METTL15: variants seen among roughly 807,000 people sequenced by gnomAD.
METTL15 encodes the protein 12S rRNA N(4)-cytidine methyltransferase METTL15.
METTL15 carries 34 observed loss-of-function variants against 38.3 expected under a neutral mutation model. The ratio of observed to expected loss-of-function variants is 0.89; its 90% CI spans 0.68 to 1.18. METTL15 has a LOEUF of 1.18. METTL15 is among the 50% of genes most tolerant of loss of function. The pLI, the probability that METTL15 is intolerant of heterozygous loss-of-function variation, is 0.00. For missense variants in METTL15, 438 were observed against 498.4 expected, an observed-to-expected ratio of 0.88 and a Z score of 1.15; for synonymous variants, 162 against 170.9, an observed-to-expected ratio of 0.95 and a Z score of 0.41.
At chr11:28,326,803 A>G (rs978535696) in intron 6 of METTL15, among the ~76,000 whole-genome samples, 1 of 151,650 alleles carries the variant, frequency 6.6e-6, no homozygotes. Context: ...GTTTTTTTGT[A>G]GAGACAGGGT....
intron 3 of METTL15, among the ~76,000 whole-genome samples, chr11:28,208,324 A>G (rs185671454): frequency 0.03 from 4,518 of 151,952 alleles, 88 homozygotes; most frequent in Non-Finnish European, 0.045. Context: ...TGTTGTCGTT[A>G]GTTTCAAAGA....
intron 6 of METTL15, among the ~76,000 whole-genome samples, chr11:28,434,907 G>T (rs776771450): frequency 3.3e-5 from 5 of 152,204 alleles, no homozygotes; most frequent in African/African-American, 1.2e-4. Flanking sequence ...CATGGTAGTG[G>T]CAGGAATCAA....
intron 6 of METTL15, among the ~76,000 whole-genome samples, chr11:28,484,689 T>G (rs1851423733): frequency 1.3e-5 from 2 of 152,168 alleles, no homozygotes; most frequent in Non-Finnish European, 2.9e-5. Context: ...CTTGACAACC[T>G]TTATGCTGGC....
At chr11:28,221,848 G>T (rs902601834) in intron 4 of METTL15, among the ~76,000 whole-genome samples, 2 of 152,192 alleles carry the variant, frequency 1.3e-5, no homozygotes, top group African/African-American at 4.8e-5. Flanking sequence ...GGTATCAGCA[G>T]AGGTGGCTGT....
At chr11:28,470,216 T>A (rs1406538013) in intron 6 of METTL15, among the ~76,000 whole-genome samples, 1 of 152,176 alleles carries the variant, frequency 6.6e-6, no homozygotes, top group Non-Finnish European at 1.5e-5. Context: ...TTTTCCCCCT[T>A]GCTCAGTCCT....
chr11:28,204,717 C>G (rs1366878803), intron 3 of METTL15, among the ~76,000 whole-genome samples: 1 of 151,868 alleles, frequency 6.6e-6, no homozygotes, highest in Non-Finnish European at 1.5e-5. Flanking sequence ...CTAATGACAT[C>G]TCCTTCATGA....
At chr11:28,487,651 A>G (rs1418550459) in intron 6 of METTL15, among the ~76,000 whole-genome samples, 1 of 152,150 alleles carries the variant, frequency 6.6e-6, no homozygotes, top group Non-Finnish European at 1.5e-5. Context: ...TTTTTATTTT[A>G]AACTATAAAA....
intron 6 of METTL15, among the ~76,000 whole-genome samples, chr11:28,489,650 G>A (rs1851477579): frequency 6.6e-6 from 1 of 152,082 alleles, no homozygotes; most frequent in South Asian, 2.1e-4. Flanking sequence ...CTCATTGTTG[G>A]AGAAGTTGCT....
At chr11:28,511,088 G>C (rs932605078) in intron 6 of METTL15, among the ~76,000 whole-genome samples, 1 of 152,092 alleles carries the variant, frequency 6.6e-6, no homozygotes, top group African/African-American at 2.4e-5. Flanking sequence ...TAAAAGTACT[G>C]GGAAATAAAC....
Position 28,298,755 on chromosome 11 carries a change from A to G in METTL15, c.778+1824A>G, listed in dbSNP as rs189520248. Among the ~76,000 whole-genome samples the G allele has an allele frequency of 5.9e-5, 9 of 152,246 alleles. No individual in the cohort carries two copies. The East Asian group carries it at 1.7e-3, about 29-fold the overall frequency. On this transcript the variant is annotated intron_variant, in intron 6 of 6. Coordinates refer to ENST00000407364, the MANE Select transcript of METTL15 (RefSeq NM_001113528.2). ...GTAAATGCCATTGAAACATTGAGTTATCTGGAATTAGTCCATTTTTATGTC... is the reference window on the plus strand; with the variant it reads ...GTAAATGCCATTGAAACATTGAGTTGTCTGGAATTAGTCCATTTTTATGTC...
rs199901516 is a variant in METTL15 at position 28,368,133 on chromosome 11, A to AC, written c.*358+6097_*358+6098insC. On this transcript the variant is annotated intron_variant and NMD_transcript_variant, in intron 5 of 7. Transcript: ENST00000532947. ...ACTAAAGAGCTTCTGCATAGCAAAAAAAAAAAAAACAAAAAAAACAAAAAA... is the reference window on the plus strand; with the variant it reads ...ACTAAAGAGCTTCTGCATAGCAAAAACAAAAAAAAACAAAAAAAACAAAAAA... Among the ~76,000 whole-genome samples, 614 of 145,640 alleles carry AC rather than the reference A, an allele frequency of 4.2e-3. 3 individuals are homozygous for AC. Among genetic ancestry groups the AC allele is most frequent in the African/African-American group, 0.015 (576 of 38,500 alleles).
At chr11:28,440,538 G>A (rs572610115) in intron 6 of METTL15, among the ~76,000 whole-genome samples, 173 of 152,270 alleles carry the variant, frequency 1.1e-3, no homozygotes, top group African/African-American at 4.0e-3. Context: ...ATTGCTGCAT[G>A]ATTTGAAAAA....
At chr11:28,337,468 A>G (rs1398133267), downstream of METTL15, among the ~76,000 whole-genome samples, 1 of 151,998 alleles carries the variant, frequency 6.6e-6, no homozygotes, top group Non-Finnish European at 1.5e-5. Context: ...CTCCCACCTC[A>G]GCCTCCCAAA....
intron 6 of METTL15, among the ~76,000 whole-genome samples, chr11:28,312,999 T>C (rs1285466389): frequency 2.6e-5 from 4 of 151,958 alleles, no homozygotes; most frequent in Non-Finnish European, 5.9e-5. Flanking sequence ...TTAAGCCCTG[T>C]CACTCTCGTA....
chr11:28,111,995 C>G (rs1851739822), intron 2 of METTL15, among the ~76,000 whole-genome samples: 1 of 152,120 alleles, frequency 6.6e-6, no homozygotes, highest in Admixed American at 6.5e-5. Context: ...GTCACATTTG[C>G]CACACAATTC....
At chr11:28,261,802 A>T (rs529110401) in intron 4 of METTL15, among the ~76,000 whole-genome samples, 1 of 152,196 alleles carries the variant, frequency 6.6e-6, no homozygotes, top group African/African-American at 2.4e-5. Context: ...TGTGTTAATA[A>T]TAATAATAGC....
rs771034654 is a variant in METTL15 at position 28,290,368 on chromosome 11, C to A, written c.570C>A (p.Gly190=). 7.4e-6 allele frequency: 12 copies of A among 1,612,494 alleles called. No individual in the cohort carries two copies. The highest frequency in any genetic ancestry group is 1.0e-5 in the Non-Finnish European group (12 of 1,179,054). ...GAGGTTTTTCCCTTCGGAAAGATGGCCCTTTGGACATGAGAATGGATGGTG... is the reference window on the plus strand; with the variant it reads ...GAGGTTTTTCCCTTCGGAAAGATGGACCTTTGGACATGAGAATGGATGGTG... ...PERGFSLRKD[G]PLDMRMDGGR... Residue 190 remains glycine (G), a synonymous_variant, in exon 5 of 7, where the codon GGC becomes GGA. Coordinates refer to ENST00000407364, the MANE Select transcript of METTL15 (RefSeq NM_001113528.2).
In METTL15 at chr11:28,192,582, T is replaced by G. The variant is rs575157985; in HGVS notation, c.271-18480T>G. 2.0e-5 allele frequency among the ~76,000 whole-genome samples: 3 copies of G among 152,156 alleles called. No homozygotes were observed. The South Asian group carries it at 6.2e-4, about 32-fold the overall frequency. On this transcript the variant is annotated intron_variant, in intron 3 of 6. Coordinates refer to ENST00000407364, the MANE Select transcript of METTL15 (RefSeq NM_001113528.2). ...CACTCCTCTACTATTTCTTGGAAGA[T>G]ATTTTTGTAATAGTGGTTATACTTC...
intron 3 of METTL15, among the ~76,000 whole-genome samples, chr11:28,128,944 G>C (rs759073146): frequency 5.3e-5 from 8 of 151,906 alleles, no homozygotes; most frequent in African/African-American, 1.9e-4. Flanking sequence ...CTCTTTGTTA[G>C]GTTAATTTAT....
Sources: gnomAD v4.1 joint callset for allele counts (sites outside exome capture counted in the v4.1 genomes callset) on GRCh38, gnomAD v4.1.1 for gene constraint, MANE v1.5 for transcripts, NCBI Gene and HGNC (gene_info 2026-07-23, HGNC 2026-07-21) for gene names.